The following ADAP2 variants were observed in gnomAD, a reference collection of about 807,000 sequenced individuals.
ADAP2 encodes the protein arf-GAP with dual PH domain-containing protein 2.
In ADAP2, 42 loss-of-function variants were observed where a neutral mutation model predicts 54.9. That is an observed-to-expected ratio of 0.77 (90% CI 0.60 to 0.99). The LOEUF (loss-of-function observed/expected upper bound fraction) is 0.99. ADAP2 is among the 50% of genes least tolerant of loss of function. The probability of loss-of-function intolerance (pLI) is 0.00; values close to 1 mark genes in which losing one functional copy is unlikely to be tolerated. For synonymous variants in ADAP2, 177 were observed against 180.1 expected (o/e 0.98, Z 0.14); for missense variants, 429 against 480.4 (o/e 0.89, Z 1.00).
chr17:30,952,897 A>G (rs1035684769), intron 7 of ADAP2, among the ~76,000 whole-genome samples: 1 of 152,118 alleles, frequency 6.6e-6, no homozygotes, highest in African/African-American at 2.4e-5. Flanking sequence ...TGGTTTCTTC[A>G]GATGTGTAAT....
chr17:30,955,435 C>T (rs776859223), intron 9 of ADAP2, among the ~76,000 whole-genome samples: 6 of 151,982 alleles, frequency 3.9e-5, no homozygotes, highest in Non-Finnish European at 5.9e-5. Flanking sequence ...AGGCCAGGCA[C>T]GGTGGCTCAC....
At chr17:30,941,273 C>A (rs1912249439) in intron 5 of ADAP2, among the ~76,000 whole-genome samples, 1 of 152,218 alleles carries the variant, frequency 6.6e-6, no homozygotes, top group African/African-American at 2.4e-5. Flanking sequence ...TCAATTAGGG[C>A]ATGAACAAGA....
intron 2 of ADAP2, among the ~76,000 whole-genome samples, chr17:30,923,573 C>T (rs1474858888): frequency 6.6e-6 from 1 of 151,196 alleles, no homozygotes; most frequent in African/African-American, 2.4e-5. Flanking sequence ...TCCTGGCCAT[C>T]ATTTGCTTAC....
intron 10 of ADAP2, 22 bp downstream of exon 10, chr17:30,956,491 G>T (rs375094164): frequency 1.5e-5 from 24 of 1,610,204 alleles, no homozygotes; most frequent in Non-Finnish European, 2.0e-5. Context: ...GAACTGAGGG[G>T]TGTTCTTTTG....
chr17:30,931,919 G>C lies in ADAP2; in HGVS notation c.348G>C (p.Lys116Asn). Residue 116 changes from lysine (K) to asparagine (N), a missense_variant, in exon 4 of 11, where the codon AAG (lysine) becomes AAC (asparagine). Coordinates refer to ENST00000330889, the MANE Select transcript of ADAP2 (RefSeq NM_018404.3). ...TAAAGGAACAATGGATTCGAGCTAA[G>C]TATGAGAGACGGGAATTTATGGCTG... Reference protein sequence around the residue: ...LVLKEQWIRAKYERREFMADG... With the variant: ...LVLKEQWIRANYERREFMADG... 1 of 1,613,906 alleles carries C rather than the reference G, an allele frequency of 6.2e-7. No homozygotes were observed. The highest frequency in any genetic ancestry group is 1.3e-5 in the African/African-American group (1 of 74,988).
chr17:30,937,583 G>A (rs559309907), intron 5 of ADAP2, among the ~76,000 whole-genome samples: 2 of 152,316 alleles, frequency 1.3e-5, no homozygotes, highest in African/African-American at 4.8e-5. Flanking sequence ...GAGGAAGGAG[G>A]CCAGAGCAGA....
intron 4 of ADAP2, among the ~76,000 whole-genome samples, chr17:30,933,283 G>A (rs760837979): frequency 6.6e-5 from 10 of 152,006 alleles, no homozygotes; most frequent in Non-Finnish European, 1.3e-4. Context: ...CACATCCCAG[G>A]TTCAAGTGAT....
chr17:30,956,438 G>T lies in ADAP2; in HGVS notation c.1080G>T (p.Leu360=). ...QEWLESLRGV[L]SSPLTPLNRL... ...GGCTGGAAAGTTTGCGGGGTGTCCT[G>T]TCCAGCCCCTTGACGCCCCTCAACC... The change falls in exon 10 of 11, where the codon CTG becomes CTT. Residue 360 remains leucine, a synonymous_variant. Coordinates refer to ENST00000330889, the MANE Select transcript of ADAP2 (RefSeq NM_018404.3). 3 of 1,614,210 alleles carry T rather than the reference G, an allele frequency of 1.9e-6. No individual in the cohort carries two copies. Among genetic ancestry groups the T allele is most frequent in the Non-Finnish European group, 2.5e-6 (3 of 1,180,034 alleles).
At chr17:30,957,250 A>G (rs1905144155) in intron 10 of ADAP2, among the ~76,000 whole-genome samples, 1 of 152,092 alleles carries the variant, frequency 6.6e-6, no homozygotes, top group African/African-American at 2.4e-5. Context: ...TGAGTGAGGC[A>G]TATCAGCTGG....
intron 5 of ADAP2, among the ~76,000 whole-genome samples, chr17:30,937,359 C>T (rs553009589): frequency 1.3e-5 from 2 of 151,702 alleles, no homozygotes; most frequent in East Asian, 3.9e-4. Flanking sequence ...GTAGCTGGGA[C>T]TACAGGCGTG....
intron 2 of ADAP2, 24 bp downstream of exon 2, chr17:30,923,094 G>T: frequency 6.2e-7 from 1 of 1,612,412 alleles, no homozygotes; most frequent in Non-Finnish European, 8.5e-7. Context: ...CCCGTGGAGA[G>T]CCATGGAACT....
At chr17:30,924,200 C>A (rs552906962) in intron 2 of ADAP2, among the ~76,000 whole-genome samples, 1 of 152,160 alleles carries the variant, frequency 6.6e-6, no homozygotes, top group Admixed American at 6.5e-5. Flanking sequence ...TGGTGAAACC[C>A]CGTCTTTACA....
chr17:30,945,708 A>G (rs1432183123), intron 6 of ADAP2, among the ~76,000 whole-genome samples: 2 of 151,902 alleles, frequency 1.3e-5, no homozygotes, highest in Admixed American at 1.3e-4. Context: ...GTGAGCCATG[A>G]TCATGCCACT....
chr17:30,957,855 C>T lies in ADAP2; in HGVS notation c.1132C>T (p.Arg378Cys), dbSNP rs1408669531. 7 of 1,613,090 alleles carry T rather than the reference C, an allele frequency of 4.3e-6. No individual in the cohort carries two copies. The highest frequency in any genetic ancestry group is 1.7e-5 in the Admixed American group (1 of 59,910). ...NRLTASTESG[R>C]SSR Reference sequence around the variant, plus strand: ...TGCAGCTGCATCAACAGAGAGTGGCCGCAGCAGCAGGTGACCCATTAACTG... The same window carrying T: ...TGCAGCTGCATCAACAGAGAGTGGCTGCAGCAGCAGGTGACCCATTAACTG... The change falls in exon 11 of 11, where the codon CGC becomes TGC. Residue 378 changes from arginine to cysteine, a missense_variant. Coordinates refer to ENST00000330889, the MANE Select transcript of ADAP2 (RefSeq NM_018404.3).
chr17:30,931,749 A>C (rs1425284960), intron 3 of ADAP2, 140 bp from the exon 4 acceptor site: 4 of 546,458 alleles, frequency 7.3e-6, no homozygotes, highest in African/African-American at 3.9e-5. Context: ...TGGGCCTAGG[A>C]GGTCTAGGCT....
chr17:30,931,610 C>T (rs1471164633), intron 3 of ADAP2, among the ~76,000 whole-genome samples: 4 of 152,034 alleles, frequency 2.6e-5, no homozygotes, highest in Non-Finnish European at 5.9e-5. Context: ...CGCTTGAGCC[C>T]TGGAGTTCAA....
In ADAP2 at chr17:30,954,560, G is replaced by C; in HGVS notation, c.882+5G>C. 2 of 1,613,408 alleles carry C rather than the reference G, an allele frequency of 1.2e-6. No individual in the cohort carries two copies. Among genetic ancestry groups the C allele is most frequent in the Non-Finnish European group, 1.7e-6 (2 of 1,179,342 alleles). On this transcript the variant is annotated splice_donor_5th_base_variant and intron_variant, in intron 9 of 10. Coordinates refer to ENST00000330889, the MANE Select transcript of ADAP2 (RefSeq NM_018404.3). ...CTCTATTACAAGAACCCACTGGTAA[G>C]AGCCACTCCTGCTCCCTCCCCAGGG...
At chr17:30,936,693 G>A (rs1218061559) in intron 5 of ADAP2, among the ~76,000 whole-genome samples, 1 of 152,164 alleles carries the variant, frequency 6.6e-6, no homozygotes, top group African/African-American at 2.4e-5. Context: ...GAGGTGGGCA[G>A]ATCAGGAGTT....
At chr17:30,953,171 G>A in intron 7 of ADAP2, 117 bp from the exon 8 acceptor site, 2 of 837,880 alleles carry the variant, frequency 2.4e-6, no homozygotes, top group Non-Finnish European at 2.0e-6. Flanking sequence ...AATACTGTGA[G>A]CCATGAGCGT....
Sources: gnomAD v4.1 joint callset for allele counts (sites outside exome capture counted in the v4.1 genomes callset) on GRCh38, gnomAD v4.1.1 for gene constraint, MANE v1.5 for transcripts, NCBI Gene and HGNC (gene_info 2026-07-23, HGNC 2026-07-21) for gene names.